SLC9A9: variants seen among roughly 807,000 people sequenced by gnomAD.
The protein encoded by SLC9A9 is sodium/hydrogen exchanger 9.
In SLC9A9, 62 loss-of-function variants were observed where a neutral mutation model predicts 77.8. The observed-to-expected ratio is 0.80, with a 90% CI of 0.65 to 0.98. The LOEUF is 0.98. Ranked by LOEUF, SLC9A9 falls within the 50% of genes least tolerant of loss-of-function variation. The pLI, the probability that SLC9A9 is intolerant of heterozygous loss-of-function variation, is 0.00. For synonymous variants in SLC9A9, 320 were observed against 283.5 expected, an observed-to-expected ratio of 1.13 and a Z score of -1.29; for missense variants, 775 against 774.9, an observed-to-expected ratio of 1.00 and a Z score of 0.00.
intron 14 of SLC9A9, among the ~76,000 whole-genome samples, chr3:143,328,856 C>A (rs11915857): frequency 0.28 from 42,865 of 152,084 alleles, 6,551 homozygotes; most frequent in African/African-American, 0.39. Context: ...TCTCTAATAA[C>A]ACTGTCCTTG....
At chr3:143,420,473 G>A (rs1389392717) in intron 12 of SLC9A9, among the ~76,000 whole-genome samples, 1 of 152,174 alleles carries the variant, frequency 6.6e-6, no homozygotes, top group Non-Finnish European at 1.5e-5. Context: ...CAGAAAGGGT[G>A]AAAATGCCTT....
At chr3:143,765,716 T>C (rs761726917) in intron 4 of SLC9A9, among the ~76,000 whole-genome samples, 1 of 152,136 alleles carries the variant, frequency 6.6e-6, no homozygotes, top group Non-Finnish European at 1.5e-5. Flanking sequence ...ATAATTAAGT[T>C]TTTATTCAGG....
At chr3:143,817,890 A>C (rs1178720199) in intron 2 of SLC9A9, among the ~76,000 whole-genome samples, 1 of 152,232 alleles carries the variant, frequency 6.6e-6, no homozygotes, top group Admixed American at 6.5e-5. Context: ...TATTAGTGAA[A>C]ATTTAGAAAC....
intron 13 of SLC9A9, among the ~76,000 whole-genome samples, chr3:143,379,031 A>C (rs1013742603): frequency 5.3e-5 from 8 of 150,576 alleles, no homozygotes; most frequent in African/African-American, 1.9e-4. Context: ...AATATATATA[A>C]TTTTAAATAT....
chr3:143,485,357 T>TCACCTTCGATTTTCTTTTTCTC (rs1333963570), intron 11 of SLC9A9, among the ~76,000 whole-genome samples: 2 of 152,164 alleles, frequency 1.3e-5, no homozygotes, highest in Non-Finnish European at 1.5e-5. Flanking sequence ...TTAATTTTTT[T>TCACCTTCGATTTTCTTTTTCTC]CACCTTCGAT....
intron 4 of SLC9A9, among the ~76,000 whole-genome samples, chr3:143,711,753 TA>T (rs1934201877): frequency 6.6e-6 from 1 of 152,020 alleles, no homozygotes; most frequent in Non-Finnish European, 1.5e-5. Context: ...ATTATTTCCT[TA>T]TAGATCCTGA....
At chr3:143,569,835 A>G (rs1165614593) in intron 8 of SLC9A9, among the ~76,000 whole-genome samples, 2 of 140,760 alleles carry the variant, frequency 1.4e-5, no homozygotes, top group Non-Finnish European at 1.5e-5. Context: ...TTTTTTGGAG[A>G]CAGGGTATCT....
In SLC9A9 at chr3:143,289,100, G is replaced by A. The variant is rs551735991; in HGVS notation, c.1605-20120C>T. Reference sequence around the variant, plus strand: ...TGAGGCAGGACTGAGACCACCTGATGACAGCTGAGCTGTCAGTGGTAGGGA... The same window carrying A: ...TGAGGCAGGACTGAGACCACCTGATAACAGCTGAGCTGTCAGTGGTAGGGA... On this transcript the variant is annotated intron_variant, in intron 14 of 15. Coordinates refer to ENST00000316549, the MANE Select transcript of SLC9A9 (RefSeq NM_173653.4). Among the ~76,000 whole-genome samples the A allele has an allele frequency of 3.0e-4, 45 of 152,310 alleles. No individual in the cohort carries two copies. In the East Asian group the frequency reaches 8.5e-3, roughly 29 times the overall value.
intron 14 of SLC9A9, among the ~76,000 whole-genome samples, chr3:143,310,201 A>G (rs928596341): frequency 1.4e-4 from 21 of 152,270 alleles, no homozygotes; most frequent in Admixed American, 9.2e-4. Flanking sequence ...CTCATCATTC[A>G]TTGGCATCTA....
chr3:143,315,334 C>T (rs928096006), intron 14 of SLC9A9, among the ~76,000 whole-genome samples: 34 of 152,222 alleles, frequency 2.2e-4, no homozygotes, highest in Non-Finnish European at 4.9e-4. Flanking sequence ...AGAGTTGGCT[C>T]ATCCTGACAG....
intron 14 of SLC9A9, among the ~76,000 whole-genome samples, chr3:143,350,503 A>ATG (rs2032418971): frequency 6.6e-6 from 1 of 152,108 alleles, no homozygotes; most frequent in Admixed American, 6.5e-5. Flanking sequence ...CCAACCTTAT[A>ATG]TGTGCCGAGC....
At chr3:143,320,289 G>C (rs1018986779) in intron 14 of SLC9A9, among the ~76,000 whole-genome samples, 1 of 152,210 alleles carries the variant, frequency 6.6e-6, no homozygotes. Context: ...CCTGTCATCT[G>C]TACACTACTG....
chr3:143,605,969 G>A (rs1219045938), intron 6 of SLC9A9, among the ~76,000 whole-genome samples: 2 of 152,160 alleles, frequency 1.3e-5, no homozygotes, highest in South Asian at 2.1e-4. Flanking sequence ...CAGTGAGAAC[G>A]ATAAGCTCTG....
At chr3:143,405,033 T>C (rs2033947977) in intron 12 of SLC9A9, among the ~76,000 whole-genome samples, 2 of 152,216 alleles carry the variant, frequency 1.3e-5, no homozygotes, top group African/African-American at 4.8e-5. Flanking sequence ...AGCCCCACTT[T>C]CATCCAGGCA....
At chr3:143,404,743 G>T (rs1576475115) in intron 12 of SLC9A9, among the ~76,000 whole-genome samples, 1 of 152,074 alleles carries the variant, frequency 6.6e-6, no homozygotes, top group South Asian at 2.1e-4. Context: ...CCATACCCAT[G>T]GCATGTTGAT....
At position 143,743,008 on chromosome 3, in the gene SLC9A9, T is replaced by C. The variant is rs566865349; in HGVS notation, c.534-49701A>G. On this transcript the variant is annotated intron_variant, in intron 4 of 15. Transcript: ENST00000316549. ...GAAGGTCCTCTTCAGATCATTTCAA[T>C]AGGACTGCTGTGGAGGGCTGTGCCA... 1.7e-4 allele frequency among the ~76,000 whole-genome samples: 26 copies of C among 152,248 alleles called. No individual in the cohort carries two copies. In the South Asian group the frequency reaches 5.2e-3, roughly 30 times the overall value.
intron 2 of SLC9A9, among the ~76,000 whole-genome samples, chr3:143,798,834 C>T (rs774602731): frequency 7.2e-5 from 11 of 152,228 alleles, no homozygotes; most frequent in Non-Finnish European, 1.2e-4. Flanking sequence ...CTTTCCCTCC[C>T]GCCTGTCCCC....
intron 4 of SLC9A9, among the ~76,000 whole-genome samples, chr3:143,766,906 A>G (rs1447021435): frequency 6.6e-6 from 1 of 152,224 alleles, no homozygotes; most frequent in East Asian, 1.9e-4. Flanking sequence ...CTTTTTCCAC[A>G]TGTCCCATAA....
intron 1 of SLC9A9, among the ~76,000 whole-genome samples, chr3:143,843,225 G>A (rs1406088904): frequency 1.3e-5 from 2 of 152,186 alleles, no homozygotes; most frequent in Non-Finnish European, 2.9e-5. Context: ...GGGAGGCTGG[G>A]CTGTCCTGGA....
Sources: gnomAD v4.1 joint callset for allele counts (sites outside exome capture counted in the v4.1 genomes callset) on GRCh38, gnomAD v4.1.1 for gene constraint, MANE v1.5 for transcripts, NCBI Gene and HGNC (gene_info 2026-07-23, HGNC 2026-07-21) for gene names.